Variants in EAPP observed in about 807,000 individuals in gnomAD.
EAPP encodes E2F-associated phosphoprotein.
Under a neutral mutation model 34.3 loss-of-function variants are expected in EAPP, and 38 were observed. That is an observed-to-expected ratio of 1.11 (90% CI 0.85 to 1.45). The LOEUF (loss-of-function observed/expected upper bound fraction) is 1.45, where lower values mean the gene tolerates loss of function less well. Among genes scored for constraint, EAPP ranks in the 40% most tolerant of loss-of-function variants. EAPP has a pLI of 0.00. For missense variants in EAPP, 338 were observed against 343.7 expected (o/e 0.98, Z 0.13); for synonymous variants, 113 against 117.6 (o/e 0.96, Z 0.25).
intron 3 of EAPP, among the ~76,000 whole-genome samples, 183 bp downstream of exon 3, chr14:34,533,261 C>T (rs1880354981): frequency 6.6e-6 from 1 of 152,036 alleles, no homozygotes; most frequent in African/African-American, 2.4e-5. Flanking sequence ...TCTTAAACTC[C>T]CAACCTCAGG....
rs144202797 is a variant in EAPP, at chr14:34,516,030, T to G, written c.*280A>C. The stretch of plus-strand genomic sequence containing the variant: ...AAAGATTGCTTATAATTCCAGAACA[T>G]TTTAATTCTACAGAGCTTTAATAAA... On this transcript the variant is annotated 3_prime_UTR_variant, in exon 6 of 6. Transcript: ENST00000250454. 153 of 320,798 alleles carry G rather than the reference T, an allele frequency of 4.8e-4. 2 individuals are homozygous for G. The East Asian group carries it at 7.7e-3, about 16-fold the overall frequency. 19.9% of individuals were successfully genotyped at this position (320,798 alleles called of 1,614,324 possible).
chr14:34,539,205 T>A (rs925846522), intron 1 of EAPP: 1 of 452,498 alleles, frequency 2.2e-6, no homozygotes, highest in Non-Finnish European at 4.2e-6. Context: ...TATACAATTA[T>A]GTTATTATAG....
chr14:34,527,813 G>C (rs971915670), intron 4 of EAPP, among the ~76,000 whole-genome samples: 1 of 152,094 alleles, frequency 6.6e-6, no homozygotes, highest in Non-Finnish European at 1.5e-5. Context: ...GAGGGGAAGG[G>C]TAGGGAAACT....
chr14:34,531,314 T>C (rs1227635482), intron 3 of EAPP, among the ~76,000 whole-genome samples: 2 of 147,552 alleles, frequency 1.4e-5, no homozygotes, highest in Non-Finnish European at 3.0e-5. Flanking sequence ...AAAAAATAAA[T>C]AAACAAGGCT....
chr14:34,530,176 G>A (rs1333364190), intron 3 of EAPP, among the ~76,000 whole-genome samples: 1 of 151,836 alleles, frequency 6.6e-6, no homozygotes, highest in African/African-American at 2.4e-5. Context: ...CTCCAGCCTG[G>A]GCAACAAGAG....
intron 3 of EAPP, among the ~76,000 whole-genome samples, chr14:34,530,904 C>CAAAAAAAAAAAAAAAAAAAAAAAA (rs780101001): frequency 3.6e-5 from 2 of 55,184 alleles, no homozygotes; most frequent in African/African-American, 1.4e-4. Flanking sequence ...CAATCTTTAC[C>CAAAAAAAAAAAAAAAAAAAAAAAA]AAAAAAAAAA....
intron 2 of EAPP, among the ~76,000 whole-genome samples, 189 bp from the exon 3 acceptor site, chr14:34,533,728 C>T (rs1880372663): frequency 6.6e-6 from 1 of 152,200 alleles, no homozygotes; most frequent in Non-Finnish European, 1.5e-5. Context: ...AACTGGCCCT[C>T]CTTAAAATGT....
chr14:34,522,596 A>T (rs893485389), intron 5 of EAPP, among the ~76,000 whole-genome samples: 7 of 151,984 alleles, frequency 4.6e-5, no homozygotes, highest in African/African-American at 1.7e-4. Context: ...TGTAATTTGC[A>T]ATTTGCATGT....
intron 2 of EAPP, among the ~76,000 whole-genome samples, chr14:34,534,850 T>C (rs1240328386): frequency 4.0e-5 from 6 of 151,828 alleles, no homozygotes; most frequent in African/African-American, 7.3e-5. Flanking sequence ...ATTTTTTTTT[T>C]TTTTTTTGAG....
chr14:34,538,355 G>A (rs1043191188), intron 1 of EAPP, among the ~76,000 whole-genome samples: 2 of 151,644 alleles, frequency 1.3e-5, no homozygotes, highest in African/African-American at 4.8e-5. Context: ...CTCCAGCCTG[G>A]CTGACAGAGT....
At position 34,536,293 on chromosome 14, in the gene EAPP, C is replaced by A. The variant is rs772130011; in HGVS notation, c.75-18G>T. 3.1e-5 allele frequency: 49 copies of A among 1,557,124 alleles called. 1 individual carries two copies. The South Asian group carries it at 4.9e-4, about 16-fold the overall frequency. On this transcript the variant is annotated intron_variant, in intron 1 of 5. Coordinates refer to ENST00000250454, the MANE Select transcript of EAPP (RefSeq NM_018453.4). ...CCTCAGAGCTAGCATACATTTAAAT[C>A]AAAAAGAATATGAATATTTAAAAAT... is the stretch of plus-strand genomic sequence containing the variant.
At chr14:34,517,608 T>G (rs1879781272) in intron 5 of EAPP, among the ~76,000 whole-genome samples, 2 of 152,008 alleles carry the variant, frequency 1.3e-5, no homozygotes, top group African/African-American at 4.8e-5. Flanking sequence ...TCTAATTTAT[T>G]TGGGCCTTCT....
chr14:34,524,857 T>G, intron 4 of EAPP, 50 bp from the exon 5 acceptor site: 1 of 1,406,366 alleles, frequency 7.1e-7, no homozygotes, highest in Non-Finnish European at 1.0e-6. Flanking sequence ...AACCAGATCT[T>G]GGTTTCTAGT....
rs745547243 is a variant in EAPP, at chr14:34,536,144, A to G, written c.206T>C (p.Leu69Ser). 5 of 1,612,956 alleles carry G rather than the reference A, an allele frequency of 3.1e-6. No individual in the cohort carries two copies. The South Asian group carries it at 5.5e-5, about 18-fold the overall frequency. Reference protein sequence around the residue: ...DEFEKEMEAELNSTMKTMEDK... With the variant: ...DEFEKEMEAESNSTMKTMEDK... ...CTCCATTGTTTTCATGGTAGAATTT[A>G]ATTCAGCTTCCATCTCCTTTTCAAA... Residue 69 changes from leucine (L) to serine (S), a missense_variant, in exon 2 of 6, where the codon TTA becomes TCA. Coordinates refer to ENST00000250454, the MANE Select transcript of EAPP (RefSeq NM_018453.4).
chr14:34,538,846 C>T (rs1365800968), intron 1 of EAPP, among the ~76,000 whole-genome samples: 4 of 152,170 alleles, frequency 2.6e-5, no homozygotes, highest in African/African-American at 7.2e-5. Flanking sequence ...CTCGGCAAAA[C>T]AGCTTCAAGT....
At chr14:34,532,561 G>A (rs1463761704) in intron 3 of EAPP, among the ~76,000 whole-genome samples, 1 of 152,052 alleles carries the variant, frequency 6.6e-6, no homozygotes, top group Non-Finnish European at 1.5e-5. Flanking sequence ...GAAGAGGGGG[G>A]AAAAGCCCTG....
At chr14:34,517,693 TG>T (rs1879784049) in intron 5 of EAPP, among the ~76,000 whole-genome samples, 1 of 152,044 alleles carries the variant, frequency 6.6e-6, no homozygotes, top group African/African-American at 2.4e-5. Flanking sequence ...TCTTCTGGCT[TG>T]TTTGTTTGGG....
In EAPP at chr14:34,533,542, A is replaced by T; in HGVS notation, c.257-3T>A. The stretch of plus-strand genomic sequence containing the variant: ...TTTTCCATTTCCTGAGGAAGATCCT[A>T]TTCAAACCAGAAGTAAAGTTTACAG... On this transcript the variant is annotated splice_polypyrimidine_tract_variant and splice_region_variant and intron_variant, in intron 2 of 5. Coordinates refer to ENST00000250454, the MANE Select transcript of EAPP (RefSeq NM_018453.4). The T allele has an allele frequency of 6.4e-7, 1 of 1,568,218 alleles. No individual in the cohort carries two copies. The highest frequency in any genetic ancestry group is 2.3e-5 in the East Asian group (1 of 43,158).
intron 5 of EAPP, among the ~76,000 whole-genome samples, chr14:34,517,495 C>T (rs985095811): frequency 6.6e-5 from 10 of 151,872 alleles, no homozygotes; most frequent in African/African-American, 9.7e-5. Context: ...GTAATCTGTC[C>T]ACCTCGGCCT....
Sources: allele counts gnomAD v4.1 joint callset (sites outside exome capture counted in the v4.1 genomes callset), GRCh38; gene constraint gnomAD v4.1.1; transcripts MANE v1.5; gene names NCBI Gene and HGNC (gene_info 2026-07-23, HGNC 2026-07-21).